The following UGT8 variants were observed in gnomAD, a reference collection of about 807,000 sequenced individuals.
The protein encoded by UGT8 is UDP glycosyltransferase 8, also known as 2-hydroxyacylsphingosine 1-beta-galactosyltransferase.
Under a neutral mutation model 40.5 loss-of-function variants are expected in UGT8, and 12 were observed. The observed-to-expected ratio is 0.30, with a 90% CI of 0.19 to 0.48. UGT8 has a LOEUF of 0.48. Ranked by LOEUF, UGT8 falls within the 20% of genes least tolerant of loss-of-function variation. UGT8 has a pLI of 0.99. For missense variants in UGT8, 513 were observed against 648.7 expected, an observed-to-expected ratio of 0.79 and a Z score of 2.27; for synonymous variants, 224 against 240.4, an observed-to-expected ratio of 0.93 and a Z score of 0.63.
At chr4:114,663,065 C>A (rs1030485631) in intron 2 of UGT8, among the ~76,000 whole-genome samples, 4 of 151,776 alleles carry the variant, frequency 2.6e-5, no homozygotes, top group South Asian at 2.1e-4. Context: ...CCTCATGATG[C>A]ACCTGCCTTG....
intron 2 of UGT8, among the ~76,000 whole-genome samples, chr4:114,628,509 A>C (rs1578421800): frequency 6.6e-6 from 1 of 151,920 alleles, no homozygotes; most frequent in Non-Finnish European, 1.5e-5. Context: ...GAAGATAACC[A>C]TACCATTACC....
At chr4:114,618,148 A>G (rs185447639) in intron 1 of UGT8, among the ~76,000 whole-genome samples, 100 of 152,256 alleles carry the variant, frequency 6.6e-4, no homozygotes, top group Admixed American at 1.8e-3. Flanking sequence ...TTGAAGTTCT[A>G]TAATTTTCCA....
rs561181435 is a variant in UGT8 at position 114,637,594 on chromosome 4, C to T, written c.822+13892C>T. 2.6e-5 allele frequency among the ~76,000 whole-genome samples: 4 copies of T among 152,198 alleles called. No homozygotes were observed. In the East Asian group the frequency reaches 7.7e-4, roughly 29 times the overall value. Reference sequence around the variant, plus strand: ...CTGGAGGTCTCATTTACCTGAACGACACCAAGAGCTAGAAAGAAAGTCACA... The same window carrying T: ...CTGGAGGTCTCATTTACCTGAACGATACCAAGAGCTAGAAAGAAAGTCACA... On this transcript the variant is annotated intron_variant, in intron 2 of 5. Transcript: ENST00000310836.
intron 4 of UGT8, 60 bp downstream of exon 4, chr4:114,665,816 C>CTTTT: frequency 5.5e-6 from 6 of 1,090,096 alleles, no homozygotes; most frequent in African/African-American, 1.7e-5. Context: ...ATAAATGTGA[C>CTTTT]TTTTTTTTTT....
At chr4:114,646,722 G>A (rs1041841883) in intron 2 of UGT8, among the ~76,000 whole-genome samples, 6 of 152,190 alleles carry the variant, frequency 3.9e-5, no homozygotes, top group African/African-American at 1.4e-4. Flanking sequence ...TCTTGAAATA[G>A]ATTTCCATGC....
Position 114,676,665 on chromosome 4 carries a change from T to G in UGT8, c.*377T>G, listed in dbSNP as rs112000650. The stretch of plus-strand genomic sequence containing the variant: ...TATGTGTGTGTGTGTGTGTGTGTGT[T>G]TGTGTGTGTGTGTGTGTGTCCTAAT... On this transcript the variant is annotated 3_prime_UTR_variant, in exon 6 of 6. Coordinates refer to ENST00000310836, the MANE Select transcript of UGT8 (RefSeq NM_001128174.3). 3.5e-4 allele frequency: 52 copies of G among 150,662 alleles called. No homozygotes were observed. The highest frequency in any genetic ancestry group is 5.8e-4 in the East Asian group (3 of 5,136). The allele number at this position is 150,662 out of a possible 1,614,324, so 9.3% of individuals were successfully genotyped here. A position where few individuals can be genotyped will look rare whatever the true frequency, so the allele number is the denominator to read the frequency against.
At chr4:114,618,807 A>G (rs1344279415) in intron 1 of UGT8, among the ~76,000 whole-genome samples, 4 of 152,284 alleles carry the variant, frequency 2.6e-5, no homozygotes, top group Admixed American at 2.0e-4. Context: ...GGTTTAAGGT[A>G]AAAAATATAG....
At position 114,677,286 on chromosome 4, in the gene UGT8, A is replaced by C. The variant is rs1247500710; in HGVS notation, c.*998A>C. The stretch of plus-strand genomic sequence containing the variant: ...ATTTCCAAAGTTTAACTTTTAAAAA[A>C]CCATCTTCTGATCCCTTTTATTGTC... On this transcript the variant is annotated 3_prime_UTR_variant, in exon 6 of 6. Transcript: ENST00000310836. 6.6e-6 allele frequency: 1 copy of C among 152,198 alleles called. No individual in the cohort carries two copies. Among genetic ancestry groups the C allele is most frequent in the African/African-American group, 2.4e-5 (1 of 41,442 alleles). The allele number at this position is 152,198 out of a possible 1,614,324, so 9.4% of individuals were successfully genotyped here.
Position 114,623,542 on chromosome 4 carries a change from A to T in UGT8, c.662A>T (p.Lys221Met), listed in dbSNP as rs764332315. The T allele has an allele frequency of 6.2e-7, 1 of 1,614,140 alleles. No individual in the cohort carries two copies. The highest frequency in any genetic ancestry group is 1.1e-5 in the South Asian group (1 of 91,072). Residue 221 changes from lysine (K) to methionine (M), a missense_variant, in exon 2 of 6, where the codon AAG becomes ATG. Coordinates refer to ENST00000310836, the MANE Select transcript of UGT8 (RefSeq NM_001128174.3). The part of the protein sequence containing the change: ...VLPKYERIMQ[K>M]YNLLPEKSMY... ...CCCAAATATGAAAGGATAATGCAGA[A>T]GTACAACCTGCTGCCAGAGAAGTCC...
chr4:114,619,311 C>G (rs1560673295), intron 1 of UGT8: 1 of 152,026 alleles, frequency 6.6e-6, no homozygotes, highest in Non-Finnish European at 1.5e-5. Context: ...TTACAGGCAA[C>G]AAATATTCTA....
At chr4:114,667,384 C>T (rs1191276732) in intron 4 of UGT8, among the ~76,000 whole-genome samples, 4 of 152,130 alleles carry the variant, frequency 2.6e-5, no homozygotes, top group South Asian at 2.1e-4. Flanking sequence ...GAAATGTAGG[C>T]CATTTACCAG....
chr4:114,665,267 G>A (rs947504869), intron 3 of UGT8: 1 of 419,980 alleles, frequency 2.4e-6, no homozygotes, highest in Non-Finnish European at 3.2e-6. Context: ...TCAGACTCAG[G>A]GTGTTAAGGA....
intron 1 of UGT8, among the ~76,000 whole-genome samples, chr4:114,618,897 C>G (rs918673677): frequency 6.6e-6 from 1 of 152,032 alleles, no homozygotes; most frequent in African/African-American, 2.4e-5. Flanking sequence ...TGTGGTACTT[C>G]CTTCGTCATC....
Position 114,639,649 on chromosome 4 carries a change from A to G in UGT8, c.822+15947A>G, listed in dbSNP as rs182478359. Among the ~76,000 whole-genome samples, 788 of 152,358 alleles carry G rather than the reference A, an allele frequency of 5.2e-3. 2 individuals carry two copies. The highest frequency in any genetic ancestry group is 8.6e-3 in the Non-Finnish European group (582 of 68,022). On this transcript the variant is annotated intron_variant, in intron 2 of 5. Coordinates refer to ENST00000310836, the MANE Select transcript of UGT8 (RefSeq NM_001128174.3). ...GGTTGGTTGGTACTAGAATGAGCACAGGTTTTAACACAAGGCAAACCTGTG... is the reference window on the plus strand; with the variant it reads ...GGTTGGTTGGTACTAGAATGAGCACGGGTTTTAACACAAGGCAAACCTGTG...
chr4:114,642,404 G>T (rs1733281356), intron 2 of UGT8, among the ~76,000 whole-genome samples: 5 of 152,120 alleles, frequency 3.3e-5, no homozygotes, highest in Admixed American at 3.3e-4. Flanking sequence ...GTATTACTTA[G>T]CTTGTAGCAA....
chr4:114,662,082 G>T (rs1263304568), intron 2 of UGT8, among the ~76,000 whole-genome samples: 1 of 152,134 alleles, frequency 6.6e-6, no homozygotes, highest in African/African-American at 2.4e-5. Context: ...ATTCAAAATT[G>T]ATATAGTCTC....
At chr4:114,630,311 G>A (rs78088013) in intron 2 of UGT8, among the ~76,000 whole-genome samples, 2 of 152,088 alleles carry the variant, frequency 1.3e-5, no homozygotes, top group East Asian at 1.9e-4. Context: ...ATCTTCATAC[G>A]ACTCTTTTGG....
chr4:114,663,737 C>G (rs1448882224), intron 2 of UGT8: 1 of 984,920 alleles, frequency 1.0e-6, no homozygotes, highest in African/African-American at 1.8e-5. Flanking sequence ...GATTTTAAGC[C>G]TTTAGCAACT....
At chr4:114,627,726 A>T (rs1055693432) in intron 2 of UGT8, among the ~76,000 whole-genome samples, 2 of 152,218 alleles carry the variant, frequency 1.3e-5, no homozygotes, top group African/African-American at 4.8e-5. Flanking sequence ...TACTTTTTAG[A>T]TGATTTCCCA....
Sources: gnomAD v4.1 joint callset for allele counts (sites outside exome capture counted in the v4.1 genomes callset) on GRCh38, gnomAD v4.1.1 for gene constraint, MANE v1.5 for transcripts, NCBI Gene and HGNC (gene_info 2026-07-23, HGNC 2026-07-21) for gene names.